G3BP1: variants seen among roughly 807,000 people sequenced by gnomAD.
G3BP1 encodes the protein G3BP stress granule assembly factor 1.
Under a neutral mutation model 58.6 loss-of-function variants are expected in G3BP1, and 35 were observed. The observed-to-expected ratio is 0.60, with a 90% CI of 0.46 to 0.79. G3BP1 has a LOEUF of 0.79. G3BP1 is among the 30% of genes least tolerant of loss of function. The pLI is 0.00. For missense variants in G3BP1, 523 were observed against 580.8 expected (o/e 0.90, Z 1.02); for synonymous variants, 191 against 195.4 (o/e 0.98, Z 0.19).
intron 2 of G3BP1, chr5:151,787,816 TGTATTCAATATG>T: frequency 3.3e-6 from 1 of 302,418 alleles, no homozygotes; most frequent in South Asian, 2.7e-5. Context: ...AATTTATGAA[TGTATTCAATATG>T]AATATTTTCA....
At position 151,794,232 on chromosome 5, in the gene G3BP1, T is replaced by C; in HGVS notation, c.425T>C (p.Val142Ala). Residue 142 changes from valine to alanine, a missense_variant, in exon 5 of 12, where the codon GTC becomes GCC. Physicochemically the swap from Val to Ala is moderately conservative, Grantham distance 64. This residue lies in a region of G3BP1 where 398 missense variants were observed against 399.1 expected (regional missense o/e 1.00). Coordinates refer to ENST00000356245, the MANE Select transcript of G3BP1 (RefSeq NM_005754.3). The part of the protein sequence containing the change: ...RYQDEVFGGF[V>A]TEPQEESEEE... ...CAAGATGAGGTCTTTGGTGGGTTTGTCACTGAGCCTCAGGAGGGTAAGTAG... is the reference window on the plus strand; with the variant it reads ...CAAGATGAGGTCTTTGGTGGGTTTGCCACTGAGCCTCAGGAGGGTAAGTAG... 6.3e-7 allele frequency: 1 copy of C among 1,598,780 alleles called. No homozygotes were observed. The highest frequency in any genetic ancestry group is 8.6e-7 in the Non-Finnish European group (1 of 1,166,040).
At chr5:151,798,489 T>TTA (rs1762793759) in intron 7 of G3BP1, among the ~76,000 whole-genome samples, 1 of 152,126 alleles carries the variant, frequency 6.6e-6, no homozygotes, top group South Asian at 2.1e-4. Flanking sequence ...AAAGAAATAA[T>TTA]TAGGTAGAAT....
chr5:151,795,008 T>C (rs1469003275), intron 5 of G3BP1, among the ~76,000 whole-genome samples: 5 of 152,206 alleles, frequency 3.3e-5, no homozygotes, highest in Non-Finnish European at 7.3e-5. Context: ...CTGGGCGCGG[T>C]GGCTCACGCC....
At chr5:151,774,186 C>G (rs1365926495) in intron 1 of G3BP1, among the ~76,000 whole-genome samples, 1 of 152,192 alleles carries the variant, frequency 6.6e-6, no homozygotes, top group African/African-American at 2.4e-5. Context: ...GTACAAAAGT[C>G]TAAGCTTTTG....
intron 1 of G3BP1, among the ~76,000 whole-genome samples, chr5:151,778,010 A>G: frequency 6.6e-6 from 1 of 152,166 alleles, no homozygotes; most frequent in East Asian, 1.9e-4. Context: ...GAAAAACGGC[A>G]GAAGCTGTGT....
intron 1 of G3BP1, among the ~76,000 whole-genome samples, chr5:151,780,801 C>T (rs1023471476): frequency 1.1e-4 from 16 of 152,146 alleles, no homozygotes; most frequent in African/African-American, 2.7e-4. Flanking sequence ...TGTGAGCCAC[C>T]GCGCCTGGCT....
At chr5:151,801,034 G>A (rs1762841589) in intron 11 of G3BP1, among the ~76,000 whole-genome samples, 165 bp downstream of exon 11, 1 of 151,854 alleles carries the variant, frequency 6.6e-6, no homozygotes, top group African/African-American at 2.4e-5. Flanking sequence ...CTTGCCTGGG[G>A]GTTTAGGAAA....
In G3BP1 at chr5:151,803,945, A is replaced by G. The variant is rs1762901416; in HGVS notation, c.1255A>G (p.Arg419Gly). 6.2e-7 allele frequency: 1 copy of G among 1,613,934 alleles called. No homozygotes were observed. Among genetic ancestry groups the G allele is most frequent in the Non-Finnish European group, 8.5e-7 (1 of 1,179,938 alleles). Residue 419 changes from arginine to glycine, a missense_variant, in exon 12 of 12, where the codon AGG becomes GGG. Coordinates refer to ENST00000356245, the MANE Select transcript of G3BP1 (RefSeq NM_005754.3). ...NVEEKKTRAA[R>G]EGDRRDNRLR... ...CGAAGAGAAGAAGACTCGAGCTGCCAGGGAAGGCGACCGACGAGATAATCG... is the reference window on the plus strand; with the variant it reads ...CGAAGAGAAGAAGACTCGAGCTGCCGGGGAAGGCGACCGACGAGATAATCG...
chr5:151,777,392 G>A lies in G3BP1; in HGVS notation c.-50+5356G>A, dbSNP rs1212706594. 2.0e-5 allele frequency among the ~76,000 whole-genome samples: 3 copies of A among 152,056 alleles called. No homozygotes were observed. In the East Asian group the frequency reaches 5.8e-4, roughly 29 times the overall value. ...GTAAAAAGACCACTTAAATACTATC[G>A]TACTCAGAATTAACATTTGACATTT... On this transcript the variant is annotated intron_variant, in intron 1 of 11. Coordinates refer to ENST00000356245, the MANE Select transcript of G3BP1 (RefSeq NM_005754.3).
At chr5:151,788,572 A>ATGTGTGTGTGTGTGTGTGTGTGTGTG (rs10634385) in intron 2 of G3BP1, among the ~76,000 whole-genome samples, 1 of 133,238 alleles carries the variant, frequency 7.5e-6, no homozygotes, top group African/African-American at 3.0e-5. Flanking sequence ...CTAAGTTTAT[A>ATGTGTGTGTGTGTGTGTGTGTGTGTG]TGTGTGTGTG....
chr5:151,788,572 A>G (rs112432316), intron 2 of G3BP1, among the ~76,000 whole-genome samples: 30,150 of 133,386 alleles, frequency 0.23, 3,879 homozygotes, highest in South Asian at 0.35. Context: ...CTAAGTTTAT[A>G]TGTGTGTGTG....
At chr5:151,774,093 C>A (rs1762325680) in intron 1 of G3BP1, among the ~76,000 whole-genome samples, 1 of 152,172 alleles carries the variant, frequency 6.6e-6, no homozygotes, top group Non-Finnish European at 1.5e-5. Context: ...TGAATTGAAG[C>A]AAATTGTGGT....
At chr5:151,794,830 T>G (rs749862407) in intron 5 of G3BP1, among the ~76,000 whole-genome samples, 5 of 152,222 alleles carry the variant, frequency 3.3e-5, no homozygotes, top group Non-Finnish European at 5.9e-5. Flanking sequence ...TAATACAGTT[T>G]TACAGATAAG....
intron 1 of G3BP1, among the ~76,000 whole-genome samples, chr5:151,784,935 A>G (rs1049048245): frequency 1.3e-5 from 2 of 152,228 alleles, no homozygotes. Flanking sequence ...ACTTCAGTAC[A>G]AGAGTGTTGA....
intron 1 of G3BP1, among the ~76,000 whole-genome samples, chr5:151,785,972 A>G (rs1046561633): frequency 6.6e-6 from 1 of 152,206 alleles, no homozygotes; most frequent in African/African-American, 2.4e-5. Flanking sequence ...TAACTTTACA[A>G]CTGGAACACT....
In G3BP1 at chr5:151,811,013, A is replaced by G. The variant is rs1043958750; in HGVS notation, c.*6922A>G. 6.6e-6 allele frequency: 1 copy of G among 152,194 alleles called. No homozygotes were observed. The highest frequency in any genetic ancestry group is 1.5e-5 in the Non-Finnish European group (1 of 68,032). 9.4% of individuals were successfully genotyped at this position (152,194 alleles called of 1,614,324 possible). A position where few individuals can be genotyped will look rare whatever the true frequency, so the allele number is the denominator to read the frequency against. On this transcript the variant is annotated 3_prime_UTR_variant, in exon 12 of 12. Coordinates refer to ENST00000356245, the MANE Select transcript of G3BP1 (RefSeq NM_005754.3). ...AAAAACTTGTTCCTTCTTTCAGTTC[A>G]TGACATCATCCATGCTAAAGTCTGA...
In G3BP1 at chr5:151,796,996, C is replaced by T. The variant is rs74523498; in HGVS notation, c.540-231C>T. 9.5e-3 allele frequency among the ~76,000 whole-genome samples: 1,427 copies of T among 149,656 alleles called. 20 individuals are homozygous for T. The highest frequency in any genetic ancestry group is 0.031 in the African/African-American group (1,279 of 40,646). On this transcript the variant is annotated intron_variant, in intron 6 of 11. Coordinates refer to ENST00000356245, the MANE Select transcript of G3BP1 (RefSeq NM_005754.3). ...AAGTGGTTTGGTTCATTTTGATGTC[C>T]TGATTCATTTGCTTATCAGAATTTG...
chr5:151,779,081 T>G (rs1304865357), intron 1 of G3BP1, among the ~76,000 whole-genome samples: 1 of 151,812 alleles, frequency 6.6e-6, no homozygotes, highest in Non-Finnish European at 1.5e-5. Flanking sequence ...ATCAATCAGG[T>G]AAATGCCTTG....
chr5:151,787,740 AT>A (rs1180500646), intron 2 of G3BP1: 10 of 277,692 alleles, frequency 3.6e-5, no homozygotes, highest in South Asian at 1.2e-4. Flanking sequence ...GACCAGAACT[AT>A]TTTTTCCCTT....
Sources: gnomAD v4.1 joint callset for allele counts (sites outside exome capture counted in the v4.1 genomes callset) on GRCh38, gnomAD v4.1.1 for gene constraint, gnomAD v4.1.1 regional missense constraint, MANE v1.5 for transcripts, NCBI Gene and HGNC (gene_info 2026-07-23, HGNC 2026-07-21) for gene names.